Variants in CYP20A1 observed in about 807,000 individuals in gnomAD.
CYP20A1 encodes cytochrome P450 family 20 subfamily A member 1, also known as cytochrome P450 20A1.
Under a neutral mutation model 61.4 loss-of-function variants are expected in CYP20A1, and 61 were observed. The ratio of observed to expected loss-of-function variants is 0.99; its 90% CI spans 0.81 to 1.23. The LOEUF is 1.23. Ranked by LOEUF, CYP20A1 falls within the 50% of genes most tolerant of loss-of-function variation. CYP20A1 has a pLI of 0.00. For synonymous variants in CYP20A1, 193 were observed against 188.2 expected (o/e 1.03, Z -0.21); for missense variants, 530 against 542.4 (o/e 0.98, Z 0.23).
In CYP20A1 at chr2:203,302,835, G is replaced by A. The variant is rs1449234550; in HGVS notation, c.*5927G>A. 6.6e-6 allele frequency among the ~76,000 whole-genome samples: 1 copy of A among 151,818 alleles called. No homozygotes were observed. Among genetic ancestry groups the A allele is most frequent in the Admixed American group, 6.6e-5 (1 of 15,192 alleles). On this transcript the variant is annotated 3_prime_UTR_variant, in exon 13 of 13. Coordinates refer to ENST00000356079, the MANE Select transcript of CYP20A1 (RefSeq NM_177538.3). The stretch of plus-strand genomic sequence containing the variant: ...AGCCTTTTGAGTAACTGGGGTTACA[G>A]GCGCGTGCCATCACACCCAGCTCAT...
chr2:203,239,366 C>T (rs1316051503), intron 1 of CYP20A1, among the ~76,000 whole-genome samples: 1 of 152,024 alleles, frequency 6.6e-6, no homozygotes, highest in Non-Finnish European at 1.5e-5. Context: ...CCGGGCCAGG[C>T]GGGCGTAGAG....
chr2:203,292,134 T>C (rs925104864), intron 10 of CYP20A1, 128 bp from the exon 11 acceptor site: 11 of 537,066 alleles, frequency 2.0e-5, no homozygotes, highest in Non-Finnish European at 3.6e-5. Context: ...TTGTGGTTTC[T>C]TGCATTATTT....
In CYP20A1 at chr2:203,301,914, CTTTT is replaced by C. The variant is rs763764173; in HGVS notation, c.*5025_*5028del. On this transcript the variant is annotated 3_prime_UTR_variant, in exon 13 of 13. Coordinates refer to ENST00000356079, the MANE Select transcript of CYP20A1 (RefSeq NM_177538.3). ...TTTGAAGTTAACCACTGTTAAGATT[CTTTT>C]TTTTTTTTTTTTTTTTTTGTTTTGA... 2.9e-5 allele frequency among the ~76,000 whole-genome samples: 3 copies of C among 103,550 alleles called. No homozygotes were observed. The highest frequency in any genetic ancestry group is 3.7e-5 in the African/African-American group (1 of 26,716). The allele number at this position is 103,550 out of a possible 152,430, so 67.9% of individuals were successfully genotyped here.
At chr2:203,289,722 C>T in intron 9 of CYP20A1, 43 bp from the exon 10 acceptor site, 1 of 1,075,052 alleles carries the variant, frequency 9.3e-7, no homozygotes, top group Non-Finnish European at 1.4e-6. Context: ...TTTCTAACTG[C>T]CTCCCAAAAT....
chr2:203,284,935 G>A (rs927046678), intron 8 of CYP20A1, among the ~76,000 whole-genome samples: 1 of 151,478 alleles, frequency 6.6e-6, no homozygotes, highest in Non-Finnish European at 1.5e-5. Flanking sequence ...TTGTAGAGAT[G>A]GGGTTTTGCC....
intron 1 of CYP20A1, among the ~76,000 whole-genome samples, chr2:203,245,183 C>T (rs924093348): frequency 2.6e-5 from 4 of 151,134 alleles, no homozygotes; most frequent in Non-Finnish European, 4.4e-5. Flanking sequence ...TGTGCCACCA[C>T]GCCCGGCTAA....
At chr2:203,262,228 T>G (rs2067163356) in intron 4 of CYP20A1, among the ~76,000 whole-genome samples, 1 of 152,172 alleles carries the variant, frequency 6.6e-6, no homozygotes, top group Non-Finnish European at 1.5e-5. Context: ...TTTTATTATT[T>G]ATTTTTAAAT....
intron 4 of CYP20A1, among the ~76,000 whole-genome samples, chr2:203,252,557 G>T (rs764472173): frequency 2.0e-5 from 3 of 151,922 alleles, no homozygotes; most frequent in Non-Finnish European, 2.9e-5. Context: ...ATCACACCGG[G>T]CTAATTTTTG....
rs1417755022 is a variant in CYP20A1, at chr2:203,302,247, T to C, written c.*5339T>C. Reference sequence around the variant, plus strand: ...CAGCCCCACTGTTAAGATTCTAATGTAGGCCGGGCACAGTGACTCATGCCT... The same window carrying C: ...CAGCCCCACTGTTAAGATTCTAATGCAGGCCGGGCACAGTGACTCATGCCT... On this transcript the variant is annotated 3_prime_UTR_variant, in exon 13 of 13. Transcript: ENST00000356079. Among the ~76,000 whole-genome samples the C allele has an allele frequency of 2.6e-5, 4 of 152,166 alleles. No homozygotes were observed. Among genetic ancestry groups the C allele is most frequent in the Non-Finnish European group, 5.9e-5 (4 of 68,014 alleles).
At chr2:203,275,908 T>C (rs1392480544) in intron 6 of CYP20A1, among the ~76,000 whole-genome samples, 4 of 152,184 alleles carry the variant, frequency 2.6e-5, no homozygotes, top group Non-Finnish European at 5.9e-5. Context: ...GTAATCTAAA[T>C]AAGTAAACTG....
At chr2:203,282,236 C>T (rs2068072475) in intron 8 of CYP20A1, among the ~76,000 whole-genome samples, 1 of 152,004 alleles carries the variant, frequency 6.6e-6, no homozygotes. Flanking sequence ...CCATGTTGGC[C>T]AAGCTGGTCT....
intron 1 of CYP20A1, among the ~76,000 whole-genome samples, chr2:203,242,122 A>C (rs1262145388): frequency 1.3e-5 from 2 of 152,124 alleles, no homozygotes; most frequent in Non-Finnish European, 2.9e-5. Flanking sequence ...GATTACAGGC[A>C]TGAGCCACCG....
chr2:203,271,747 A>AT (rs2067608548), intron 5 of CYP20A1, among the ~76,000 whole-genome samples: 1 of 152,228 alleles, frequency 6.6e-6, no homozygotes, highest in South Asian at 2.1e-4. Flanking sequence ...TATAATACAA[A>AT]AATGAGGGCT....
At chr2:203,266,423 C>G in intron 4 of CYP20A1, 91 bp from the exon 5 acceptor site, 1 of 1,141,126 alleles carries the variant, frequency 8.8e-7, no homozygotes, top group East Asian at 2.4e-5. Flanking sequence ...CAGAGTTTAA[C>G]TGTTTGCCAT....
At chr2:203,288,180 C>A (rs563613610) in intron 9 of CYP20A1, among the ~76,000 whole-genome samples, 1 of 150,226 alleles carries the variant, frequency 6.7e-6, no homozygotes, top group Non-Finnish European at 1.5e-5. Flanking sequence ...ATTCTCATGC[C>A]GCAGCTTTCC....
Position 203,285,613 on chromosome 2 carries a change from G to T in CYP20A1, c.852G>T (p.Leu284Phe). Residue 284 changes from leucine to phenylalanine, a missense_variant and splice_region_variant, in exon 9 of 13, where the codon TTG becomes TTT. By Grantham distance (22) the Leu-to-Phe change is conservative. Transcript: ENST00000356079. The part of the protein sequence containing the change: ...SLASCIITAK[L>F]CTWAICFLTT... ...TTATTCATATAATGTTTGACCTAGT[G>T]TGTACCTGGGCAATCTGTTTTTTAA... is the stretch of plus-strand genomic sequence containing the variant. 1 of 1,582,128 alleles carries T rather than the reference G, an allele frequency of 6.3e-7. No individual in the cohort carries two copies. Among genetic ancestry groups the T allele is most frequent in the South Asian group, 1.2e-5 (1 of 83,940 alleles).
chr2:203,279,110 G>A (rs1414315529), intron 7 of CYP20A1, among the ~76,000 whole-genome samples: 2 of 151,980 alleles, frequency 1.3e-5, no homozygotes, highest in African/African-American at 2.4e-5. Context: ...GACTACAGAC[G>A]CGCACCACCA....
intron 2 of CYP20A1, among the ~76,000 whole-genome samples, 164 bp downstream of exon 2, chr2:203,246,059 T>C (rs1363273699): frequency 1.3e-5 from 2 of 152,152 alleles, no homozygotes; most frequent in Non-Finnish European, 2.9e-5. Flanking sequence ...TGAGCTATGA[T>C]TGTGCCACTG....
chr2:203,278,537 C>A, intron 6 of CYP20A1, 36 bp from the exon 7 acceptor site: 1 of 1,025,918 alleles, frequency 9.7e-7, no homozygotes, highest in Non-Finnish European at 1.4e-6. Flanking sequence ...TCCACTAATG[C>A]TTGTATTCTA....
Sources: allele counts gnomAD v4.1 joint callset (sites outside exome capture counted in the v4.1 genomes callset), GRCh38; gene constraint gnomAD v4.1.1; transcripts MANE v1.5; gene names NCBI Gene and HGNC (gene_info 2026-07-23, HGNC 2026-07-21).